Variants in KAZN observed in about 807,000 individuals in gnomAD.
The protein encoded by KAZN is kazrin, periplakin interacting protein.
KAZN carries 40 observed loss-of-function variants against 87.4 expected under a neutral mutation model. The ratio of observed to expected loss-of-function variants is 0.46; its 90% CI spans 0.36 to 0.60. The LOEUF is 0.60. Ranked by LOEUF, KAZN falls within the 20% of genes least tolerant of loss-of-function variation. The pLI is 0.00. For missense variants in KAZN, 898 were observed against 1,073.9 expected, an observed-to-expected ratio of 0.84 and a Z score of 2.29; for synonymous variants, 466 against 458.3, an observed-to-expected ratio of 1.02 and a Z score of -0.22.
chr1:14,635,425 T>C (rs1025749417), intron 1 of KAZN, among the ~76,000 whole-genome samples: 2 of 152,208 alleles, frequency 1.3e-5, no homozygotes, highest in Non-Finnish European at 2.9e-5. Flanking sequence ...GTGCACGGGA[T>C]AGTCCCCTCA....
chr1:14,857,345 T>TAAGCTCGAGACC (rs1650256638), intron 1 of KAZN, among the ~76,000 whole-genome samples: 1 of 151,962 alleles, frequency 6.6e-6, no homozygotes, highest in African/African-American at 2.4e-5. Context: ...AGCTCGAGAC[T>TAAGCTCGAGACC]AGCCTTAGCA....
intron 3 of KAZN, among the ~76,000 whole-genome samples, chr1:15,035,664 A>G (rs2100228209): frequency 6.6e-6 from 1 of 152,304 alleles, no homozygotes; most frequent in East Asian, 1.9e-4. Context: ...CCTGGCCAAA[A>G]GCCCATCTCT....
At chr1:14,574,519 C>T (rs1165682110) in intron 2 of KAZN, among the ~76,000 whole-genome samples, 2 of 152,128 alleles carry the variant, frequency 1.3e-5, no homozygotes, top group Non-Finnish European at 2.9e-5. Flanking sequence ...TCTCTTGGCT[C>T]TTATTCTCTC....
intron 2 of KAZN, among the ~76,000 whole-genome samples, chr1:14,375,354 C>T (rs1049793593): frequency 3.3e-5 from 5 of 152,120 alleles, no homozygotes; most frequent in African/African-American, 1.2e-4. Flanking sequence ...CCAACACAGA[C>T]AGCCTTCTCC....
chr1:14,746,088 C>T (rs1228916722), intron 1 of KAZN, among the ~76,000 whole-genome samples: 2 of 152,046 alleles, frequency 1.3e-5, no homozygotes, highest in African/African-American at 4.8e-5. Flanking sequence ...TTTTAAATGC[C>T]ATTTATGTCC....
chr1:14,296,874 A>C (rs1237702496), intron 2 of KAZN, among the ~76,000 whole-genome samples: 2 of 151,358 alleles, frequency 1.3e-5, no homozygotes, highest in African/African-American at 4.9e-5. Context: ...TGATCCACCC[A>C]CCTCGGCTTC....
intron 1 of KAZN, among the ~76,000 whole-genome samples, chr1:14,012,294 G>A (rs934678177): frequency 6.6e-6 from 1 of 152,204 alleles, no homozygotes; most frequent in African/African-American, 2.4e-5. Context: ...ACAACCACCT[G>A]AACCAGTGTG....
At chr1:14,359,651 C>T (rs1659335603) in intron 2 of KAZN, among the ~76,000 whole-genome samples, 1 of 152,186 alleles carries the variant, frequency 6.6e-6, no homozygotes, top group South Asian at 2.1e-4. Context: ...AATCTCTCAG[C>T]ATTTGCTTGT....
chr1:14,173,071 C>T (rs1413409238), intron 1 of KAZN, among the ~76,000 whole-genome samples: 12 of 152,262 alleles, frequency 7.9e-5, no homozygotes, highest in Middle Eastern at 3.4e-3. Flanking sequence ...GTGGGGACAA[C>T]CTTGTCACTA....
intron 1 of KAZN, among the ~76,000 whole-genome samples, chr1:14,767,771 G>A (rs1436933917): frequency 6.6e-6 from 1 of 152,196 alleles, no homozygotes; most frequent in Non-Finnish European, 1.5e-5. Flanking sequence ...GAGACTGGAT[G>A]ACAGGAGCAG....
intron 2 of KAZN, among the ~76,000 whole-genome samples, chr1:14,328,392 G>C (rs562245922): frequency 6.6e-6 from 1 of 151,400 alleles, no homozygotes; most frequent in East Asian, 1.9e-4. Context: ...TATGTGTGTT[G>C]TACGCATGCA....
chr1:13,921,971 T>C (rs2100904791), intron 1 of KAZN, among the ~76,000 whole-genome samples: 1 of 152,350 alleles, frequency 6.6e-6, no homozygotes, highest in East Asian at 1.9e-4. Flanking sequence ...GATCAGGTCA[T>C]GAGTCATTGG....
chr1:15,047,223 G>A (rs1400671239), intron 4 of KAZN, among the ~76,000 whole-genome samples: 35 of 152,210 alleles, frequency 2.3e-4, no homozygotes, highest in Admixed American at 2.2e-3. Flanking sequence ...TCTTGTTGGG[G>A]TGTCCACCTG....
chr1:14,121,725 A>G (rs558119543), intron 1 of KAZN, among the ~76,000 whole-genome samples: 1 of 152,360 alleles, frequency 6.6e-6, no homozygotes, highest in South Asian at 2.1e-4. Context: ...ATAATGTTAG[A>G]AGGTGTAAGT....
In KAZN at chr1:14,599,219, G is replaced by A. The variant is rs755102579; in HGVS notation, c.222G>A (p.Ala74=). 1.4e-6 allele frequency: 2 copies of A among 1,392,112 alleles called. No homozygotes were observed. Among genetic ancestry groups the A allele is most frequent in the Admixed American group, 3.3e-5 (1 of 29,884 alleles). The allele number at this position is 1,392,112 out of a possible 1,614,324, so 86.2% of individuals were successfully genotyped here. The change falls in exon 1 of 15, where the codon GCG becomes GCA. Residue 74 remains alanine (A), a synonymous_variant. Transcript: ENST00000376030. The surrounding 1 kb of genome is among the most constrained non-coding windows in gnomAD (Gnocchi z 4.4). ...ACATGGAGAACCCCCAGCTTGGAGC[G>A]CAAGGTAGGATCGCCCCGGCGCCCA... ...ATNMENPQLG[A]QVLLREEVSR...
chr1:14,580,336 G>A (rs999980210), intron 2 of KAZN, among the ~76,000 whole-genome samples: 11 of 152,082 alleles, frequency 7.2e-5, no homozygotes, highest in South Asian at 4.2e-4. Context: ...TTAGCCGAGC[G>A]TGGTGTCGCG....
At chr1:14,390,396 G>T (rs1662317930) in intron 2 of KAZN, among the ~76,000 whole-genome samples, 1 of 152,204 alleles carries the variant, frequency 6.6e-6, no homozygotes, top group Non-Finnish European at 1.5e-5. Flanking sequence ...ATGAGAGGTG[G>T]ATAAGAGTTA....
intron 2 of KAZN, among the ~76,000 whole-genome samples, chr1:14,506,541 C>T (rs1373424231): frequency 6.6e-6 from 1 of 152,186 alleles, no homozygotes; most frequent in African/African-American, 2.4e-5. Flanking sequence ...CCTGTAACCT[C>T]GAGCAAATTG....
chr1:14,725,115 C>T (rs905809976), intron 1 of KAZN, among the ~76,000 whole-genome samples: 2 of 152,292 alleles, frequency 1.3e-5, no homozygotes, highest in Admixed American at 6.5e-5. Context: ...AACTCAGGGG[C>T]CATTGGGGCT....
Sources: allele counts gnomAD v4.1 joint callset (sites outside exome capture counted in the v4.1 genomes callset), GRCh38; gene constraint gnomAD v4.1.1; non-coding constraint Gnocchi (gnomAD v3.1); transcripts MANE v1.5; gene names NCBI Gene and HGNC (gene_info 2026-07-23, HGNC 2026-07-21).